MAP2: variants seen among roughly 807,000 people sequenced by gnomAD.
MAP2 encodes microtubule-associated protein 2.
MAP2 carries 14 observed loss-of-function variants against 137.6 expected under a neutral mutation model. That is an observed-to-expected ratio of 0.10 (90% CI 0.07 to 0.16). The LOEUF (loss-of-function observed/expected upper bound fraction) is 0.16, where lower values mean the gene tolerates loss of function less well. MAP2 is among the 10% of genes least tolerant of loss of function. The pLI, the probability that MAP2 is intolerant of heterozygous loss-of-function variation, is 1.00. For synonymous variants in MAP2, 786 were observed against 782.3 expected, an observed-to-expected ratio of 1.00 and a Z score of -0.08; for missense variants, 2,088 against 2,191.5, an observed-to-expected ratio of 0.95 and a Z score of 0.94.
chr2:209,719,654 G>C (rs2153797879), intron 13 of MAP2, among the ~76,000 whole-genome samples: 1 of 152,220 alleles, frequency 6.6e-6, no homozygotes, highest in African/African-American at 2.4e-5. Context: ...CACCGTGGCA[G>C]ATCACTTCAA....
At chr2:209,463,845 T>C (rs1703476656) in intron 1 of MAP2, among the ~76,000 whole-genome samples, 1 of 152,174 alleles carries the variant, frequency 6.6e-6, no homozygotes, top group Non-Finnish European at 1.5e-5. Context: ...ATTATTTGCC[T>C]GAGTCAAAGG....
At chr2:209,573,590 A>G (rs951779553) in intron 2 of MAP2, among the ~76,000 whole-genome samples, 1 of 152,066 alleles carries the variant, frequency 6.6e-6, no homozygotes, top group African/African-American at 2.4e-5. Flanking sequence ...CGCTGTGCCC[A>G]GCCCCTTATT....
chr2:209,690,829 C>T, intron 7 of MAP2: 1 of 1,284,982 alleles, frequency 7.8e-7, no homozygotes, highest in Non-Finnish European at 1.0e-6. Flanking sequence ...AAGTAAAAAC[C>T]CCTTCCTCTG....
chr2:209,478,642 A>C (rs1285433997), intron 1 of MAP2, among the ~76,000 whole-genome samples: 1 of 152,216 alleles, frequency 6.6e-6, no homozygotes, highest in Non-Finnish European at 1.5e-5. Context: ...GGGCAGGCAT[A>C]CATAAATAAT....
At chr2:209,534,485 G>A (rs78283995) in intron 2 of MAP2, among the ~76,000 whole-genome samples, 4,124 of 152,186 alleles carry the variant, frequency 0.027, 193 homozygotes, top group African/African-American at 0.094. Flanking sequence ...ACGGGGGTGG[G>A]TGGGAGGCAG....
chr2:209,464,495 G>C (rs553255204), intron 1 of MAP2, among the ~76,000 whole-genome samples: 2 of 152,162 alleles, frequency 1.3e-5, no homozygotes, highest in Admixed American at 1.3e-4. Flanking sequence ...TTTGCTGTTT[G>C]GTGTGGGAGA....
intron 14 of MAP2, among the ~76,000 whole-genome samples, chr2:209,726,784 A>G (rs1331900712): frequency 6.6e-6 from 1 of 152,152 alleles, no homozygotes; most frequent in East Asian, 1.9e-4. Context: ...CTCTGCCTCC[A>G]TAGATATGTA....
chr2:209,608,019 T>A (rs574379403), intron 3 of MAP2, among the ~76,000 whole-genome samples: 1 of 152,320 alleles, frequency 6.6e-6, no homozygotes, highest in Admixed American at 6.5e-5. Context: ...TTCTGAGAGA[T>A]CTCCTGTGAT....
At chr2:209,600,400 C>T (rs1329821199) in intron 3 of MAP2, among the ~76,000 whole-genome samples, 1 of 152,162 alleles carries the variant, frequency 6.6e-6, no homozygotes, top group Admixed American at 6.5e-5. Context: ...CAGATTTGTC[C>T]AAGCCTTTCC....
chr2:209,527,384 C>T (rs1025427884), intron 2 of MAP2, among the ~76,000 whole-genome samples: 3 of 152,078 alleles, frequency 2.0e-5, no homozygotes, highest in Non-Finnish European at 2.9e-5. Context: ...AAGTTTTTGG[C>T]ACATCATAGT....
rs758909834 is a variant in MAP2 at position 209,694,935 on chromosome 2, C to A, written c.2765C>A (p.Ala922Asp). Residue 922 changes from alanine to aspartate, a missense_variant, in exon 8 of 16, where the codon GCC becomes GAC. Transcript: ENST00000682079. ...CTGATTGAAGTGAAACTGGCAGCAG[C>A]CGGAAGAGTCAAAGATGAGTTCAGT... ...LSLIEVKLAA[A>D]GRVKDEFSVD... is the part of the protein sequence containing the mutation. 6.2e-7 allele frequency: 1 copy of A among 1,614,112 alleles called. No individual in the cohort carries two copies. The highest frequency in any genetic ancestry group is 8.5e-7 in the Non-Finnish European group (1 of 1,180,012).
At chr2:209,620,380 A>G (rs969380746) in intron 3 of MAP2, among the ~76,000 whole-genome samples, 1 of 152,216 alleles carries the variant, frequency 6.6e-6, no homozygotes, top group Non-Finnish European at 1.5e-5. Flanking sequence ...ACTGAAGACC[A>G]TATGTTATTT....
At chr2:209,639,908 A>T (rs1182969555) in intron 4 of MAP2, among the ~76,000 whole-genome samples, 1 of 152,070 alleles carries the variant, frequency 6.6e-6, no homozygotes, top group African/African-American at 2.4e-5. Flanking sequence ...CTTGTGAGGG[A>T]GACATAGAGT....
chr2:209,636,623 C>T (rs532006911), intron 4 of MAP2, among the ~76,000 whole-genome samples: 57 of 151,344 alleles, frequency 3.8e-4, no homozygotes, highest in Admixed American at 2.0e-3. Flanking sequence ...AATATAACAG[C>T]GTAATACATT....
At chr2:209,432,049 A>G (rs970508207) in intron 1 of MAP2, among the ~76,000 whole-genome samples, 4 of 152,160 alleles carry the variant, frequency 2.6e-5, no homozygotes, top group African/African-American at 9.7e-5. Flanking sequence ...TGAACTATCC[A>G]TACTGATGCC....
chr2:209,556,105 A>G (rs1220909629), intron 2 of MAP2, among the ~76,000 whole-genome samples: 1 of 140,152 alleles, frequency 7.1e-6, no homozygotes, highest in Non-Finnish European at 1.5e-5. Flanking sequence ...GCAGTGCACC[A>G]TCATAGTTTA....
At chr2:209,435,371 G>A (rs1010852514) in intron 1 of MAP2, among the ~76,000 whole-genome samples, 8 of 151,784 alleles carry the variant, frequency 5.3e-5, no homozygotes, top group African/African-American at 1.9e-4. Flanking sequence ...AGTGGCATGA[G>A]TGTGTGTAGG....
At chr2:209,628,800 T>C (rs2092683096) in intron 4 of MAP2, among the ~76,000 whole-genome samples, 2 of 152,108 alleles carry the variant, frequency 1.3e-5, no homozygotes, top group Admixed American at 1.3e-4. Context: ...CAGAGCTGTA[T>C]TACCAGCCCC....
At chr2:209,641,674 T>C (rs1182405258) in intron 4 of MAP2, among the ~76,000 whole-genome samples, 1 of 151,446 alleles carries the variant, frequency 6.6e-6, no homozygotes, top group African/African-American at 2.4e-5. Context: ...CTTAATTAAA[T>C]ATCACTGGTA....
Sources: gnomAD v4.1 joint callset for allele counts (sites outside exome capture counted in the v4.1 genomes callset) on GRCh38, gnomAD v4.1.1 for gene constraint, MANE v1.5 for transcripts, NCBI Gene and HGNC (gene_info 2026-07-23, HGNC 2026-07-21) for gene names.